The following ZNF654 variants were observed in gnomAD, a reference collection of about 807,000 sequenced individuals.
ZNF654 encodes the protein melanoma-associated antigen.
A neutral mutation model predicts 95.3 loss-of-function variants in ZNF654; 19 were observed. The observed-to-expected ratio is 0.20, with a 90% confidence interval of 0.14 to 0.29. ZNF654 has a LOEUF of 0.29. Ranked by LOEUF, ZNF654 falls within the 10% of genes least tolerant of loss-of-function variation. ZNF654 has a pLI of 1.00. For synonymous variants in ZNF654, 413 were observed against 457.9 expected (o/e 0.90, Z 1.25); for missense variants, 1,046 against 1,341.0 (o/e 0.78, Z 3.44).
At chr3:88,116,559 T>TACACACACACACACACAC (rs140401038) in intron 3 of ZNF654, among the ~76,000 whole-genome samples, 36 of 146,654 alleles carry the variant, frequency 2.5e-4, no homozygotes, top group African/African-American at 8.3e-4. Context: ...CATACATATA[T>TACACACACACACACACAC]ATACACACAC....
chr3:88,081,917 G>A (rs183531509), intron 1 of ZNF654, among the ~76,000 whole-genome samples: 10 of 152,198 alleles, frequency 6.6e-5, no homozygotes, highest in African/African-American at 1.4e-4. Flanking sequence ...ATACAACTAC[G>A]TTACAAATGA....
chr3:88,117,941 T>C (rs1705510408), intron 3 of ZNF654, among the ~76,000 whole-genome samples: 2 of 57,114 alleles, frequency 3.5e-5, no homozygotes, highest in South Asian at 2.7e-3. Flanking sequence ...GCCCAATAGA[T>C]GATTAAAAAA....
intron 1 of ZNF654, among the ~76,000 whole-genome samples, chr3:88,065,421 A>T (rs1443932105): frequency 5.9e-5 from 9 of 152,172 alleles, no homozygotes; most frequent in Non-Finnish European, 1.2e-4. Context: ...TAGTACATAT[A>T]ATGTAATCCT....
intron 2 of ZNF654, among the ~76,000 whole-genome samples, chr3:88,103,784 T>TG (rs1704572945): frequency 1.2e-5 from 1 of 80,220 alleles, no homozygotes; most frequent in African/African-American, 4.2e-5. Context: ...TTTTTTTTTT[T>TG]GAGATGGAGT....
intron 1 of ZNF654, among the ~76,000 whole-genome samples, chr3:88,085,288 C>A (rs1050115780): frequency 1.3e-5 from 2 of 152,174 alleles, no homozygotes; most frequent in East Asian, 3.9e-4. Flanking sequence ...TCTGTCACAA[C>A]TACTGAACTC....
At chr3:88,094,944 C>T (rs1408700852) in intron 2 of ZNF654, among the ~76,000 whole-genome samples, 1 of 152,080 alleles carries the variant, frequency 6.6e-6, no homozygotes, top group Non-Finnish European at 1.5e-5. Context: ...TTGCTCACTG[C>T]TTCTTACAAA....
rs762327231 is a variant in ZNF654 at position 88,139,623 on chromosome 3, G to A, written c.1954G>A (p.Glu652Lys). 5 of 1,613,596 alleles carry A rather than the reference G, an allele frequency of 3.1e-6. No homozygotes were observed. The South Asian group carries it at 5.5e-5, about 18-fold the overall frequency. Residue 652 changes from glutamate to lysine, a missense_variant, in exon 8 of 9, where the codon GAA (glutamate) becomes AAA (lysine). Glu to Lys is a moderately conservative substitution (Grantham distance 56, BLOSUM62 1). Coordinates refer to ENST00000636215, the MANE Select transcript of ZNF654 (RefSeq NM_001350134.2). ...TACTGCTTCTAGTGAAGGAAACAAA[G>A]AAGTCATCCCTGAGCATGTGGCTGA... ...TLTASSEGNK[E>K]VIPEHVAEFI...
chr3:88,135,757 C>T lies in ZNF654; in HGVS notation c.1035+555C>T, dbSNP rs58686977. 3.1e-3 allele frequency among the ~76,000 whole-genome samples: 477 copies of T among 152,156 alleles called. 3 individuals are homozygous for T. Among genetic ancestry groups the T allele is most frequent in the African/African-American group, 0.011 (443 of 41,538 alleles). ...TGAGTACAATCCTACATGAGTCTTACGTAGACATGAAAGTGGATCCTGCAG... is the reference window on the plus strand; with the variant it reads ...TGAGTACAATCCTACATGAGTCTTATGTAGACATGAAAGTGGATCCTGCAG... On this transcript the variant is annotated intron_variant, in intron 7 of 8. Transcript: ENST00000636215.
chr3:88,064,045 A>G (rs928061235), intron 1 of ZNF654, among the ~76,000 whole-genome samples: 3 of 151,590 alleles, frequency 2.0e-5, no homozygotes, highest in Non-Finnish European at 4.4e-5. Context: ...TGATCAACAC[A>G]TGCCTATGAT....
chr3:88,119,687 C>A (rs1576318580), intron 3 of ZNF654, among the ~76,000 whole-genome samples: 1 of 152,040 alleles, frequency 6.6e-6, no homozygotes, highest in Non-Finnish European at 1.5e-5. Flanking sequence ...TGTATGCAAA[C>A]CTGTGCTCAA....
chr3:88,090,551 C>G (rs1708577058), intron 2 of ZNF654, among the ~76,000 whole-genome samples: 2 of 152,058 alleles, frequency 1.3e-5, no homozygotes, highest in Admixed American at 1.3e-4. Context: ...TATAATAAGG[C>G]TAATTTATTA....
chr3:88,113,414 AC>A (rs1705209750), intron 3 of ZNF654, among the ~76,000 whole-genome samples: 1 of 152,144 alleles, frequency 6.6e-6, no homozygotes, highest in African/African-American at 2.4e-5. Context: ...TTCCTATTCT[AC>A]ATTTGTTAGA....
At chr3:88,081,012 T>G (rs1010015605) in intron 1 of ZNF654, among the ~76,000 whole-genome samples, 4 of 152,202 alleles carry the variant, frequency 2.6e-5, no homozygotes, top group Non-Finnish European at 5.9e-5. Context: ...TTCTCCTTAG[T>G]CTCTTCCAGC....
chr3:88,082,311 G>C (rs1708119943), intron 1 of ZNF654, among the ~76,000 whole-genome samples: 1 of 152,118 alleles, frequency 6.6e-6, no homozygotes, highest in Non-Finnish European at 1.5e-5. Context: ...ATTTTTAGTA[G>C]TGACAGGGTT....
Position 88,141,706 on chromosome 3 carries a change from A to G in ZNF654, c.*54A>G, listed in dbSNP as rs1559740189. On this transcript the variant is annotated 3_prime_UTR_variant, in exon 9 of 9. Transcript: ENST00000636215. ...CAAGCAGTAGTGTGAAAAAAGCACT[A>G]TAAGAAAATGCATCATCAGTTTGCT... 10 of 1,379,248 alleles carry G rather than the reference A, an allele frequency of 7.3e-6. No individual in the cohort carries two copies. The East Asian group carries it at 2.0e-4, about 28-fold the overall frequency. The allele number at this position is 1,379,248 out of a possible 1,614,324, so 85.4% of individuals were successfully genotyped here.
intron 3 of ZNF654, among the ~76,000 whole-genome samples, chr3:88,115,631 C>T (rs1283884660): frequency 5.3e-5 from 8 of 152,098 alleles, no homozygotes; most frequent in African/African-American, 1.7e-4. Context: ...CTGAGTTGTT[C>T]AAGTAGAAAT....
At chr3:88,102,272 C>A (rs1040883013) in intron 2 of ZNF654, among the ~76,000 whole-genome samples, 2 of 152,164 alleles carry the variant, frequency 1.3e-5, no homozygotes, top group African/African-American at 4.8e-5. Flanking sequence ...TTAGAAACCA[C>A]TATTGTGTTT....
chr3:88,069,315 G>C (rs1219218526), intron 1 of ZNF654, among the ~76,000 whole-genome samples: 1 of 152,108 alleles, frequency 6.6e-6, no homozygotes, highest in Non-Finnish European at 1.5e-5. Context: ...CCAGTTACTT[G>C]GGAGGCTGAG....
At chr3:88,067,316 A>G (rs549432875) in intron 1 of ZNF654, among the ~76,000 whole-genome samples, 2 of 152,200 alleles carry the variant, frequency 1.3e-5, no homozygotes, top group African/African-American at 2.4e-5. Context: ...TTGGTTTGAT[A>G]TGTTGAATTT....
Sources: allele counts gnomAD v4.1 joint callset (sites outside exome capture counted in the v4.1 genomes callset), GRCh38; gene constraint gnomAD v4.1.1; transcripts MANE v1.5; gene names NCBI Gene and HGNC (gene_info 2026-07-23, HGNC 2026-07-21).